SHISA6: variants seen among roughly 807,000 people sequenced by gnomAD.
SHISA6 encodes the protein shisa family member 6.
A neutral mutation model predicts 47.9 loss-of-function variants in SHISA6; 22 were observed. The ratio of observed to expected loss-of-function variants is 0.46; its 90% CI spans 0.33 to 0.66. The LOEUF is 0.66. Ranked by LOEUF, SHISA6 falls within the 30% of genes least tolerant of loss-of-function variation. The pLI is 0.02. For synonymous variants in SHISA6, 388 were observed against 337.8 expected (o/e 1.15, Z -1.63); for missense variants, 680 against 764.6 (o/e 0.89, Z 1.30).
At chr17:11,502,206 G>A (rs945863150) in intron 3 of SHISA6, among the ~76,000 whole-genome samples, 8 of 148,298 alleles carry the variant, frequency 5.4e-5, no homozygotes, top group Non-Finnish European at 8.9e-5. Flanking sequence ...TCAGGAGATC[G>A]AGACCATCCT....
chr17:11,245,712 G>T (rs1348833247), intron 1 of SHISA6, among the ~76,000 whole-genome samples: 1 of 116,166 alleles, frequency 8.6e-6, no homozygotes, highest in African/African-American at 3.1e-5. Flanking sequence ...TCCACTGCCT[G>T]CACAGGAGCA....
At chr17:11,385,350 G>A (rs1268454359) in intron 3 of SHISA6, among the ~76,000 whole-genome samples, 1 of 152,020 alleles carries the variant, frequency 6.6e-6, no homozygotes, top group Non-Finnish European at 1.5e-5. Context: ...AGAGTGTAGT[G>A]GTTGGAGGTG....
intron 3 of SHISA6, among the ~76,000 whole-genome samples, chr17:11,462,366 T>C (rs1915713907): frequency 6.6e-6 from 1 of 152,312 alleles, no homozygotes; most frequent in Middle Eastern, 3.4e-3. Flanking sequence ...CCACAGATTC[T>C]CATCTTATCC....
intron 3 of SHISA6, among the ~76,000 whole-genome samples, chr17:11,538,351 A>G (rs1354436512): frequency 2.0e-5 from 3 of 152,138 alleles, no homozygotes; most frequent in South Asian, 4.1e-4. Flanking sequence ...GTGAGCCACC[A>G]CATCCGACCT....
chr17:11,313,472 A>G (rs1910402532), intron 2 of SHISA6, among the ~76,000 whole-genome samples: 4 of 152,220 alleles, frequency 2.6e-5, no homozygotes. Context: ...TGTTCTAGTA[A>G]AGGTATTCTA....
intron 2 of SHISA6, among the ~76,000 whole-genome samples, chr17:11,329,577 G>T (rs1410561297): frequency 6.6e-6 from 1 of 152,062 alleles, no homozygotes; most frequent in Non-Finnish European, 1.5e-5. Context: ...AATGCATCTT[G>T]GTGGGCAGAG....
In SHISA6 at chr17:11,558,381, A is replaced by G. The variant is rs542970878; in HGVS notation, c.*77A>G. 4 of 1,429,704 alleles carry G rather than the reference A, an allele frequency of 2.8e-6. No homozygotes were observed. The South Asian group carries it at 4.1e-5, about 15-fold the overall frequency. The allele number at this position is 1,429,704 out of a possible 1,614,324, so 88.6% of individuals were successfully genotyped here. On this transcript the variant is annotated 3_prime_UTR_variant, in exon 6 of 6. Coordinates refer to ENST00000441885, the MANE Select transcript of SHISA6 (RefSeq NM_207386.4). The stretch of plus-strand genomic sequence containing the variant: ...GGGAGGGGCCAGGAGCAGAGCTTCT[A>G]GCCTTGCCACTCTCCCTTCCCTTGT...
chr17:11,485,838 AT>A (rs1045858179), intron 3 of SHISA6, among the ~76,000 whole-genome samples: 1 of 151,458 alleles, frequency 6.6e-6, no homozygotes, highest in Non-Finnish European at 1.5e-5. Context: ...GTGCTGAGGC[AT>A]TTTTATTTTG....
chr17:11,403,791 A>T (rs1488130309), intron 3 of SHISA6, among the ~76,000 whole-genome samples: 3 of 152,226 alleles, frequency 2.0e-5, no homozygotes, highest in Non-Finnish European at 4.4e-5. Context: ...ACATTTTCCA[A>T]ATATGTTCTC....
At chr17:11,282,603 G>A (rs912340721) in intron 2 of SHISA6, among the ~76,000 whole-genome samples, 1 of 152,116 alleles carries the variant, frequency 6.6e-6, no homozygotes, top group East Asian at 1.9e-4. Context: ...CTGTGTTCAA[G>A]TGTTCTCATT....
intron 2 of SHISA6, among the ~76,000 whole-genome samples, chr17:11,293,261 G>A (rs145144610): frequency 1.3e-5 from 2 of 152,294 alleles, no homozygotes; most frequent in East Asian, 3.9e-4. Context: ...GAAAGTGATA[G>A]TGGCTTAGAC....
At chr17:11,394,814 T>C (rs76872655) in intron 3 of SHISA6, among the ~76,000 whole-genome samples, 5,502 of 152,076 alleles carry the variant, frequency 0.036, 182 homozygotes, top group Admixed American at 0.087. Context: ...TTTTCTATCT[T>C]TTTGCTTCTT....
intron 3 of SHISA6, among the ~76,000 whole-genome samples, chr17:11,523,604 G>A (rs1412494225): frequency 1.3e-5 from 2 of 152,190 alleles, no homozygotes; most frequent in Non-Finnish European, 2.9e-5. Context: ...GCGCCTGGCT[G>A]TGAAAATGGC....
intron 3 of SHISA6, among the ~76,000 whole-genome samples, chr17:11,459,948 A>G (rs1333332819): frequency 2.0e-5 from 3 of 152,226 alleles, no homozygotes; most frequent in Non-Finnish European, 4.4e-5. Flanking sequence ...CAGAACCCTG[A>G]TGCGTTCAAG....
chr17:11,412,907 G>A (rs1419371045), intron 3 of SHISA6, among the ~76,000 whole-genome samples: 1 of 152,146 alleles, frequency 6.6e-6, no homozygotes, highest in Non-Finnish European at 1.5e-5. Context: ...GGGCATGCAT[G>A]CAATAAGTAG....
At chr17:11,365,839 G>A (rs1912431131) in intron 2 of SHISA6, among the ~76,000 whole-genome samples, 1 of 152,172 alleles carries the variant, frequency 6.6e-6, no homozygotes, top group Admixed American at 6.5e-5. Flanking sequence ...TGAAAATACA[G>A]TAATGTGATA....
intron 2 of SHISA6, among the ~76,000 whole-genome samples, chr17:11,279,140 A>G (rs1909034001): frequency 6.6e-6 from 1 of 152,188 alleles, no homozygotes; most frequent in African/African-American, 2.4e-5. Flanking sequence ...AATTATTTGC[A>G]AGAGTCCTGG....
rs563582473 is a variant in SHISA6, at chr17:11,290,082, C to T, written c.799+26556C>T. 3.3e-5 allele frequency: 5 copies of T among 152,206 alleles called. No individual in the cohort carries two copies. The South Asian group carries it at 1.0e-3, about 32-fold the overall frequency. 9.4% of individuals were successfully genotyped at this position (152,206 alleles called of 1,614,324 possible). ...ATTATGCTTTTGCCCAAAGGTTACT[C>T]GGTGAAGACTGTTTCTTAAATTTCA... On this transcript the variant is annotated intron_variant, in intron 2 of 5. Transcript: ENST00000441885.
intron 3 of SHISA6, among the ~76,000 whole-genome samples, chr17:11,382,073 T>G (rs1213210883): frequency 1.3e-5 from 2 of 150,136 alleles, no homozygotes; most frequent in East Asian, 3.9e-4. Context: ...TTCCGTTTTT[T>G]AGAGAGAGAG....
Sources: gnomAD v4.1 joint callset for allele counts (sites outside exome capture counted in the v4.1 genomes callset) on GRCh38, gnomAD v4.1.1 for gene constraint, MANE v1.5 for transcripts, NCBI Gene and HGNC (gene_info 2026-07-23, HGNC 2026-07-21) for gene names.